Variants in CATSPERB observed in about 807,000 individuals in gnomAD.
CATSPERB encodes the protein cation channel sperm-associated auxiliary subunit beta.
Under a neutral mutation model 128.3 loss-of-function variants are expected in CATSPERB, and 93 were observed. That is an observed-to-expected ratio of 0.72 (90% CI 0.61 to 0.86). CATSPERB has a LOEUF of 0.86. CATSPERB is among the 40% of genes least tolerant of loss of function. The pLI is 0.00. For synonymous variants in CATSPERB, 381 were observed against 448.8 expected (o/e 0.85, Z 1.91); for missense variants, 1,153 against 1,329.5 (o/e 0.87, Z 2.06).
intron 22 of CATSPERB, among the ~76,000 whole-genome samples, chr14:91,601,913 C>T (rs1381743501): frequency 6.6e-6 from 1 of 152,000 alleles, no homozygotes; most frequent in Non-Finnish European, 1.5e-5. Flanking sequence ...AAAAGGCCAC[C>T]ACACTTCACT....
At chr14:91,599,640 G>A (rs1214723942) in intron 22 of CATSPERB, among the ~76,000 whole-genome samples, 1 of 151,988 alleles carries the variant, frequency 6.6e-6, no homozygotes, top group Non-Finnish European at 1.5e-5. Context: ...ATCTGCCCAA[G>A]GTGGTCAGGG....
intron 23 of CATSPERB, among the ~76,000 whole-genome samples, chr14:91,591,000 TAC>T (rs1392053869): frequency 6.6e-6 from 1 of 152,054 alleles, no homozygotes; most frequent in Non-Finnish European, 1.5e-5. Flanking sequence ...TTTCTCAATA[TAC>T]AGTGTCACAA....
chr14:91,727,447 T>G (rs1300802579), intron 2 of CATSPERB, among the ~76,000 whole-genome samples: 1 of 152,228 alleles, frequency 6.6e-6, no homozygotes, highest in African/African-American at 2.4e-5. Flanking sequence ...ACTCATTCTG[T>G]TTGTATAATG....
intron 5 of CATSPERB, among the ~76,000 whole-genome samples, chr14:91,718,489 T>C (rs1427981379): frequency 6.6e-6 from 1 of 152,084 alleles, no homozygotes; most frequent in Non-Finnish European, 1.5e-5. Flanking sequence ...CATCCCACTC[T>C]CCCAATCCAT....
chr14:91,655,834 C>T (rs1409642451), intron 15 of CATSPERB, among the ~76,000 whole-genome samples: 1 of 151,970 alleles, frequency 6.6e-6, no homozygotes, highest in African/African-American at 2.4e-5. Context: ...AATATCCAAG[C>T]ACAAGAAGGT....
In CATSPERB at chr14:91,724,193, TTA is replaced by T. The variant is rs555089133; in HGVS notation, c.168+885_168+886del. On this transcript the variant is annotated intron_variant, in intron 3 of 26. Transcript: ENST00000256343. ...ATACTACAACTATCCAAAAAGTAGG[TTA>T]TAATTCCCTTTTTAGAAGAAGAACT... 2.9e-3 allele frequency among the ~76,000 whole-genome samples: 444 copies of T among 152,212 alleles called. 2 individuals are homozygous for T. Among genetic ancestry groups the T allele is most frequent in the African/African-American group, 0.01 (422 of 41,534 alleles).
chr14:91,633,604 T>C (rs1260563522), intron 17 of CATSPERB, among the ~76,000 whole-genome samples: 1 of 151,968 alleles, frequency 6.6e-6, no homozygotes, highest in Non-Finnish European at 1.5e-5. Flanking sequence ...ATGTCAAAGA[T>C]AGGTATATTC....
chr14:91,693,383 C>T lies in CATSPERB; in HGVS notation c.712+1G>A, dbSNP rs1433805698. ...GATGAAGGCAATGTTAGAGGAGTTA[C>T]CTTCTTGAAGTTGGGAATAGATAGT... On this transcript the variant is annotated splice_donor_variant, in intron 8 of 26. Transcript: ENST00000256343. LOFTEE classifies it high-confidence loss of function. 2 of 1,611,034 alleles carry T rather than the reference C, an allele frequency of 1.2e-6. No individual in the cohort carries two copies. The highest frequency in any genetic ancestry group is 1.3e-5 in the African/African-American group (1 of 74,826).
chr14:91,721,314 G>T (rs1201844342), intron 4 of CATSPERB, among the ~76,000 whole-genome samples: 1 of 152,114 alleles, frequency 6.6e-6, no homozygotes, highest in Non-Finnish European at 1.5e-5. Context: ...GAAAATATTT[G>T]CAAATCATAT....
At position 91,605,307 on chromosome 14, in the gene CATSPERB, G is replaced by T. The variant is rs1001476191; in HGVS notation, c.2709+2987C>A. ...CAAGGCAGGCTTTGTGAACAAGCTG[G>T]AGCCACACTCATGTTATTATTGGGG... On this transcript the variant is annotated intron_variant, in intron 22 of 26. Transcript: ENST00000256343. The T allele has an allele frequency of 1.8e-5, 15 of 837,268 alleles. No individual in the cohort carries two copies. The Admixed American group carries it at 2.1e-4, about 12-fold the overall frequency. The allele number at this position is 837,268 out of a possible 1,614,324, so 51.9% of individuals were successfully genotyped here. A position where few individuals can be genotyped will look rare whatever the true frequency, so the allele number is the denominator to read the frequency against.
In CATSPERB at chr14:91,676,577, G is replaced by C. The variant is rs74536915; in HGVS notation, c.932-2355C>G. ...GCTTTGAATCTGCTTTTACTAAGCT[G>C]TGGTGCTAAGACTCATTATTTATGT... On this transcript the variant is annotated intron_variant, in intron 11 of 26. Transcript: ENST00000256343. 3.7e-3 allele frequency among the ~76,000 whole-genome samples: 556 copies of C among 151,568 alleles called. 19 individuals carry two copies. The East Asian group carries it at 0.084, about 23-fold the overall frequency.
chr14:91,669,094 T>C (rs893023052), intron 14 of CATSPERB, among the ~76,000 whole-genome samples: 1 of 152,210 alleles, frequency 6.6e-6, no homozygotes, highest in Non-Finnish European at 1.5e-5. Flanking sequence ...AATGGATTAA[T>C]ACATAAACAT....
chr14:91,604,175 C>T (rs1386966339), intron 22 of CATSPERB, among the ~76,000 whole-genome samples: 1 of 152,108 alleles, frequency 6.6e-6, no homozygotes, highest in East Asian at 1.9e-4. Flanking sequence ...ACTACAGGCA[C>T]ATGCCTGTCT....
At chr14:91,593,545 T>C (rs887436450) in intron 22 of CATSPERB, among the ~76,000 whole-genome samples, 3 of 152,248 alleles carry the variant, frequency 2.0e-5, no homozygotes, top group African/African-American at 7.2e-5. Context: ...TATAACCCCT[T>C]GGTTTTGGCA....
intron 19 of CATSPERB, among the ~76,000 whole-genome samples, chr14:91,620,818 T>C (rs1213487061): frequency 6.6e-6 from 1 of 152,192 alleles, no homozygotes; most frequent in Non-Finnish European, 1.5e-5. Flanking sequence ...TGTGTATATG[T>C]GGGTTTCACA....
chr14:91,583,158 C>T (rs1047410511), intron 26 of CATSPERB, among the ~76,000 whole-genome samples: 1 of 152,248 alleles, frequency 6.6e-6, no homozygotes, highest in Non-Finnish European at 1.5e-5. Context: ...GTGGCTCATG[C>T]CTGTAATCCC....
chr14:91,626,349 A>G (rs1894160482), intron 17 of CATSPERB, among the ~76,000 whole-genome samples: 1 of 141,022 alleles, frequency 7.1e-6, no homozygotes, highest in African/African-American at 2.6e-5. Flanking sequence ...AAGAGTGTTG[A>G]GAGGTGGGAC....
intron 25 of CATSPERB, among the ~76,000 whole-genome samples, chr14:91,587,477 C>CTGTTTTTTTTTTTTTTTTTTTTTT (rs1893324319): frequency 9.8e-6 from 1 of 101,566 alleles, no homozygotes; most frequent in Admixed American, 1.1e-4. Flanking sequence ...ATAGCTGATA[C>CTGTTTTTTTTTTTTTTTTTTTTTT]TTTTTTTTTT....
chr14:91,597,987 TTTG>T (rs1893538339), intron 22 of CATSPERB, among the ~76,000 whole-genome samples: 1 of 151,880 alleles, frequency 6.6e-6, no homozygotes, highest in Non-Finnish European at 1.5e-5. Flanking sequence ...TATAAAAGTT[TTTG>T]TTTTTTTTTT....
Sources: gnomAD v4.1 joint callset for allele counts (sites outside exome capture counted in the v4.1 genomes callset) on GRCh38, gnomAD v4.1.1 for gene constraint, MANE v1.5 for transcripts, NCBI Gene and HGNC (gene_info 2026-07-23, HGNC 2026-07-21) for gene names.